UBXN4: variants seen among roughly 807,000 people sequenced by gnomAD.
UBXN4 encodes the protein UBX domain-containing protein 4.
Under a neutral mutation model 66.2 loss-of-function variants are expected in UBXN4, and 35 were observed. The observed-to-expected ratio is 0.53, with a 90% confidence interval of 0.40 to 0.70. The LOEUF is 0.70. Ranked by LOEUF, UBXN4 falls within the 30% of genes least tolerant of loss-of-function variation. The pLI is 0.00. For synonymous variants in UBXN4, 203 were observed against 204.5 expected (o/e 0.99, Z 0.06); for missense variants, 533 against 599.8 (o/e 0.89, Z 1.16).
At chr2:135,776,387 G>A (rs971588523) in intron 10 of UBXN4, 36 bp downstream of exon 10, 6 of 1,551,034 alleles carry the variant, frequency 3.9e-6, no homozygotes, top group South Asian at 1.1e-5. Flanking sequence ...AAAAATAGAT[G>A]TGTAGGTTAC....
intron 7 of UBXN4, among the ~76,000 whole-genome samples, 171 bp from the exon 8 acceptor site, chr2:135,770,400 A>G (rs926767086): frequency 2.0e-5 from 3 of 152,226 alleles, no homozygotes; most frequent in Non-Finnish European, 2.9e-5. Context: ...ACCATTGGCA[A>G]TGATTTATAG....
At chr2:135,745,265 A>G (rs1241957975) in intron 1 of UBXN4, among the ~76,000 whole-genome samples, 1 of 148,792 alleles carries the variant, frequency 6.7e-6, no homozygotes, top group Non-Finnish European at 1.5e-5. Context: ...CAAATCACAT[A>G]GGCCTTTCCC....
chr2:135,752,928 C>G (rs555915160), intron 2 of UBXN4, among the ~76,000 whole-genome samples: 2 of 151,756 alleles, frequency 1.3e-5, no homozygotes, highest in Non-Finnish European at 2.9e-5. Context: ...ACCATGTTGG[C>G]CAGGCTGGTC....
chr2:135,748,271 T>A lies in UBXN4; in HGVS notation c.87T>A (p.Asp29Glu). 1 of 1,571,842 alleles carries A rather than the reference T, an allele frequency of 6.4e-7. No individual in the cohort carries two copies. Among genetic ancestry groups the A allele is most frequent in the Non-Finnish European group, 8.6e-7 (1 of 1,161,920 alleles). Residue 29 changes from aspartate to glutamate, a missense_variant, in exon 2 of 13, where the codon GAT (aspartate) becomes GAA (glutamate). By Grantham distance (45) the Asp-to-Glu change is conservative. Coordinates refer to ENST00000272638, the MANE Select transcript of UBXN4 (RefSeq NM_014607.4). ...AATTTTTGAAATGTTTTACAGGTGA[T>A]GATGAACAGTCTACACAGATGGCTG... Reference protein sequence around the residue: ...GAVFVVFVAGDDEQSTQMAAS... With the variant: ...GAVFVVFVAGEDEQSTQMAAS...
rs1158335248 is a variant in UBXN4 at position 135,754,290 on chromosome 2, A to G, written c.333+13A>G. On this transcript the variant is annotated intron_variant, in intron 4 of 12. Transcript: ENST00000272638. ...CAAGGTCCGACAGGTAAGAAGGAAC[A>G]GAACTGTTGTTTCCGTAAATGGTAC... 6.3e-7 allele frequency: 1 copy of G among 1,590,312 alleles called. No individual in the cohort carries two copies. The highest frequency in any genetic ancestry group is 8.6e-7 in the Non-Finnish European group (1 of 1,162,556).
chr2:135,753,017 CTTTTT>C (rs34841626), intron 2 of UBXN4, among the ~76,000 whole-genome samples: 1 of 60,940 alleles, frequency 1.6e-5, no homozygotes, highest in African/African-American at 7.0e-5. Flanking sequence ...CACGCCCGGC[CTTTTT>C]TTTTTTTTTT....
chr2:135,761,734 C>A, intron 5 of UBXN4, 84 bp from the exon 6 acceptor site: 1 of 1,153,004 alleles, frequency 8.7e-7, no homozygotes, highest in Admixed American at 2.8e-5. Context: ...AAATTATTAA[C>A]AGATGCTATA....
At chr2:135,743,784 A>T (rs1435988626) in intron 1 of UBXN4, among the ~76,000 whole-genome samples, 1 of 152,238 alleles carries the variant, frequency 6.6e-6, no homozygotes, top group African/African-American at 2.4e-5. Flanking sequence ...TTATTAACAA[A>T]TATTAATATT....
At chr2:135,760,358 G>A (rs1057457236) in intron 5 of UBXN4, among the ~76,000 whole-genome samples, 2 of 152,066 alleles carry the variant, frequency 1.3e-5, no homozygotes, top group African/African-American at 4.8e-5. Flanking sequence ...TTGATCCCAG[G>A]AGGCGGAGGT....
At position 135,748,389 on chromosome 2, in the gene UBXN4, T is replaced by C; in HGVS notation, c.185+20T>C. 6.8e-7 allele frequency: 1 copy of C among 1,478,206 alleles called. No individual in the cohort carries two copies. The highest frequency in any genetic ancestry group is 1.4e-5 in the African/African-American group (1 of 69,436). 91.6% of individuals were successfully genotyped at this position (1,478,206 alleles called of 1,614,324 possible). On this transcript the variant is annotated intron_variant, in intron 2 of 12. Coordinates refer to ENST00000272638, the MANE Select transcript of UBXN4 (RefSeq NM_014607.4). ...CAAAAGGTTTGTTTATGTTTTAATA[T>C]TTTATTAATTTTAAAATTTATAAGT... is the stretch of plus-strand genomic sequence containing the variant.
In UBXN4 at chr2:135,772,580, A is replaced by G. The variant is rs768997808; in HGVS notation, c.950+33A>G. 3.1e-6 allele frequency: 5 copies of G among 1,610,788 alleles called. No individual in the cohort carries two copies. The Middle Eastern group carries it at 6.6e-4, about 213-fold the overall frequency. The stretch of plus-strand genomic sequence containing the variant: ...ATTTCATGCTGAAACATCTCTGTGC[A>G]CATAGGGGCTGAGGAGAATGATTAT... On this transcript the variant is annotated intron_variant, in intron 9 of 12. Coordinates refer to ENST00000272638, the MANE Select transcript of UBXN4 (RefSeq NM_014607.4).
chr2:135,756,741 C>G (rs960831033), intron 5 of UBXN4, among the ~76,000 whole-genome samples: 3 of 152,106 alleles, frequency 2.0e-5, no homozygotes, highest in Non-Finnish European at 4.4e-5. Flanking sequence ...TTCTTTCAGC[C>G]TGAAAATTTT....
At chr2:135,772,366 G>T in intron 8 of UBXN4, 54 bp from the exon 9 acceptor site, 9 of 1,580,590 alleles carry the variant, frequency 5.7e-6, no homozygotes, top group South Asian at 1.1e-5. Context: ...TTGGAATTGT[G>T]TGAATTAACC....
intron 10 of UBXN4, 119 bp downstream of exon 10, chr2:135,776,470 C>T (rs774211373): frequency 2.9e-5 from 21 of 727,288 alleles, no homozygotes; most frequent in Admixed American, 2.8e-4. Flanking sequence ...AGGAGGGAGG[C>T]ACAAGACGCC....
rs562958890 is a variant in UBXN4 at position 135,744,709 on chromosome 2, C to T, written c.82+2698C>T. ...TCGTGTTGCTCTCTTTAAGTGCCTTCGCTTAGGATACTGCCGATACAAAGG... is the reference window on the plus strand; with the variant it reads ...TCGTGTTGCTCTCTTTAAGTGCCTTTGCTTAGGATACTGCCGATACAAAGG... On this transcript the variant is annotated intron_variant, in intron 1 of 12. Transcript: ENST00000272638. Among the ~76,000 whole-genome samples, 17 of 152,206 alleles carry T rather than the reference C, an allele frequency of 1.1e-4. No homozygotes were observed. The South Asian group carries it at 3.5e-3, about 32-fold the overall frequency.
chr2:135,778,924 A>C (rs778060256), intron 10 of UBXN4, 24 bp from the exon 11 acceptor site: 1 of 1,587,664 alleles, frequency 6.3e-7, no homozygotes, highest in East Asian at 2.3e-5. Context: ...GGCACTCTTT[A>C]AGTTTTTAAA....
chr2:135,762,994 G>T (rs1038022135), intron 6 of UBXN4, among the ~76,000 whole-genome samples: 1 of 152,146 alleles, frequency 6.6e-6, no homozygotes, highest in African/African-American at 2.4e-5. Context: ...TAGTTATACT[G>T]GAAAAAGTTT....
chr2:135,747,864 A>G (rs889467321), intron 1 of UBXN4: 1 of 345,700 alleles, frequency 2.9e-6, no homozygotes, highest in African/African-American at 2.2e-5. Context: ...CAGGTGATCT[A>G]CCCGCCTCAG....
At chr2:135,745,946 C>T (rs965883501) in intron 1 of UBXN4, among the ~76,000 whole-genome samples, 10 of 124,138 alleles carry the variant, frequency 8.1e-5, no homozygotes, top group African/African-American at 2.7e-4. Context: ...GGTGCAATCT[C>T]GGCTCACTAC....
Sources: allele counts gnomAD v4.1 joint callset (sites outside exome capture counted in the v4.1 genomes callset), GRCh38; gene constraint gnomAD v4.1.1; transcripts MANE v1.5; gene names NCBI Gene and HGNC (gene_info 2026-07-23, HGNC 2026-07-21).